SLC25A26: variants seen among roughly 807,000 people sequenced by gnomAD.
The protein encoded by SLC25A26 is solute carrier family 25 member 26, also known as mitochondrial S-adenosylmethionine carrier protein.
In SLC25A26, 36 loss-of-function variants were observed where a neutral mutation model predicts 37.8. That is an observed-to-expected ratio of 0.95 (90% confidence interval 0.73 to 1.26). SLC25A26 has a LOEUF of 1.26. SLC25A26 is among the 50% of genes most tolerant of loss of function. SLC25A26 has a pLI of 0.00. For synonymous variants in SLC25A26, 129 were observed against 122.5 expected (o/e 1.05, Z -0.35); for missense variants, 390 against 331.1 (o/e 1.18, Z -1.38).
chr3:66,243,141 TTTC>T (rs1364365104), intron 2 of SLC25A26, 59 bp from the exon 3 acceptor site: 2 of 778,504 alleles, frequency 2.6e-6, no homozygotes, highest in Non-Finnish European at 4.4e-6. Context: ...GAGAAACATG[TTTC>T]TTAACAGTGT....
At chr3:66,350,730 G>A (rs1007327737) in intron 6 of SLC25A26, among the ~76,000 whole-genome samples, 2 of 151,750 alleles carry the variant, frequency 1.3e-5, no homozygotes, top group African/African-American at 4.8e-5. Flanking sequence ...GCGCGTGCGC[G>A]CACACCCACA....
At chr3:66,157,126 T>C (rs1343042157) in intron 1 of SLC25A26, among the ~76,000 whole-genome samples, 1 of 152,120 alleles carries the variant, frequency 6.6e-6, no homozygotes, top group Admixed American at 6.5e-5. Context: ...CCCCAGCTGC[T>C]TGGAGGCTGA....
intron 8 of SLC25A26, 53 bp downstream of exon 8, chr3:66,369,595 C>T: frequency 7.1e-7 from 1 of 1,415,344 alleles, no homozygotes; most frequent in South Asian, 1.2e-5. Context: ...TATCTGTTAG[C>T]ACTAGGACTA....
intron 1 of SLC25A26, among the ~76,000 whole-genome samples, chr3:66,235,680 C>A (rs548445283): frequency 6.6e-6 from 1 of 152,058 alleles, no homozygotes; most frequent in Non-Finnish European, 1.5e-5. Flanking sequence ...TTTGGTCTGA[C>A]GTGAAAAGAT....
chr3:66,271,237 A>G (rs141895463), intron 5 of SLC25A26, among the ~76,000 whole-genome samples: 3 of 152,330 alleles, frequency 2.0e-5, no homozygotes, highest in African/African-American at 2.4e-5. Context: ...TAGGCTTCAA[A>G]TAACAGAAAA....
intron 1 of SLC25A26, among the ~76,000 whole-genome samples, chr3:66,149,241 C>T (rs1399067190): frequency 6.6e-6 from 1 of 152,124 alleles, no homozygotes; most frequent in Non-Finnish European, 1.5e-5. Flanking sequence ...AAGTCTGGAG[C>T]TTTCAGGAGC....
chr3:66,345,861 G>C (rs2076310234), intron 5 of SLC25A26, among the ~76,000 whole-genome samples: 1 of 152,152 alleles, frequency 6.6e-6, no homozygotes, highest in Non-Finnish European at 1.5e-5. Context: ...CATTTCAAAG[G>C]GGATTCACAA....
intron 9 of SLC25A26, among the ~76,000 whole-genome samples, chr3:66,374,572 C>A (rs568679141): frequency 6.6e-6 from 1 of 152,194 alleles, no homozygotes; most frequent in Non-Finnish European, 1.5e-5. Flanking sequence ...AAGGAAGAAT[C>A]ACACCTTTCT....
At chr3:66,247,634 A>T (rs1021406117) in intron 3 of SLC25A26, among the ~76,000 whole-genome samples, 21 of 152,184 alleles carry the variant, frequency 1.4e-4, no homozygotes, top group African/African-American at 5.1e-4. Flanking sequence ...ATGGACTTTA[A>T]ATTCAGTTAT....
chr3:66,184,001 C>G (rs1387739030), intron 1 of SLC25A26, among the ~76,000 whole-genome samples: 1 of 152,114 alleles, frequency 6.6e-6, no homozygotes, highest in Non-Finnish European at 1.5e-5. Context: ...TACTCTTACC[C>G]TTACCCTTTC....
intron 1 of SLC25A26, among the ~76,000 whole-genome samples, chr3:66,170,825 A>T (rs1479838058): frequency 1.3e-5 from 1 of 76,586 alleles, no homozygotes; most frequent in Non-Finnish European, 2.2e-5. Flanking sequence ...TTTTTTTGAG[A>T]CGGAGTCTCG....
chr3:66,373,947 C>T (rs916003123), intron 9 of SLC25A26, among the ~76,000 whole-genome samples: 36 of 151,888 alleles, frequency 2.4e-4, no homozygotes, highest in African/African-American at 8.7e-4. Context: ...CTGGGAGCAG[C>T]CTGCAGGGAC....
At chr3:66,305,453 T>A (rs2075190665) in intron 5 of SLC25A26, among the ~76,000 whole-genome samples, 1 of 152,230 alleles carries the variant, frequency 6.6e-6, no homozygotes, top group East Asian at 1.9e-4. Flanking sequence ...TTTATTTATT[T>A]ATTTCATTTT....
At chr3:66,354,604 A>G (rs923483183) in intron 6 of SLC25A26, among the ~76,000 whole-genome samples, 9 of 152,164 alleles carry the variant, frequency 5.9e-5, no homozygotes, top group Non-Finnish European at 8.8e-5. Flanking sequence ...AATGTCTACC[A>G]CCACCCTACC....
intron 1 of SLC25A26, among the ~76,000 whole-genome samples, chr3:66,208,112 G>A (rs942333428): frequency 0.011 from 1,667 of 152,188 alleles, 34 homozygotes; most frequent in African/African-American, 0.038. Context: ...GTATTCTCAC[G>A]TTTTGGAAAC....
chr3:66,135,392 T>C (rs1204756095), intron 1 of SLC25A26, among the ~76,000 whole-genome samples: 1 of 152,216 alleles, frequency 6.6e-6, no homozygotes, highest in East Asian at 1.9e-4. Context: ...TTAAAGTTCA[T>C]GTATTCCATC....
intron 1 of SLC25A26, among the ~76,000 whole-genome samples, chr3:66,164,561 G>A (rs2070400775): frequency 6.6e-6 from 1 of 151,990 alleles, no homozygotes; most frequent in South Asian, 2.1e-4. Flanking sequence ...AACCATTAAG[G>A]GCAAGTTTAA....
chr3:66,180,442 C>A (rs534655330), intron 1 of SLC25A26, among the ~76,000 whole-genome samples: 2 of 152,328 alleles, frequency 1.3e-5, no homozygotes, highest in African/African-American at 4.8e-5. Context: ...CTCCTTCAGA[C>A]CCACCAGCAT....
chr3:66,286,676 T>A (rs2074523648), intron 5 of SLC25A26, among the ~76,000 whole-genome samples: 1 of 152,184 alleles, frequency 6.6e-6, no homozygotes, highest in South Asian at 2.1e-4. Context: ...CTTCGTTTTT[T>A]AATTTAATTT....
Sources: gnomAD v4.1 joint callset for allele counts (sites outside exome capture counted in the v4.1 genomes callset) on GRCh38, gnomAD v4.1.1 for gene constraint, MANE v1.5 for transcripts, NCBI Gene and HGNC (gene_info 2026-07-23, HGNC 2026-07-21) for gene names.